Variants in CCZ1B observed in about 807,000 individuals in gnomAD.
CCZ1B encodes vacuolar fusion protein CCZ1 homolog B.
A neutral mutation model predicts 58.8 loss-of-function variants in CCZ1B; 25 were observed. That is an observed-to-expected ratio of 0.43 (90% CI 0.31 to 0.59). The LOEUF (loss-of-function observed/expected upper bound fraction) is 0.59. CCZ1B is among the 20% of genes least tolerant of loss of function. CCZ1B has a pLI of 0.12. For synonymous variants in CCZ1B, 66 were observed against 173.2 expected, an observed-to-expected ratio of 0.38 and a Z score of 4.86; for missense variants, 180 against 501.5, an observed-to-expected ratio of 0.36 and a Z score of 6.12.
At chr7:6,823,968 C>T (rs1783155685) in intron 4 of CCZ1B, 121 bp downstream of exon 4, 11 of 604,812 alleles carry the variant, frequency 1.8e-5, no homozygotes, top group Non-Finnish European at 2.6e-5. Flanking sequence ...TAAACCTTTG[C>T]TATATACCCC....
At position 6,819,753 on chromosome 7, in the gene CCZ1B, G is replaced by A. The variant is rs202113645; in HGVS notation, c.698+13C>T. ...ATTTCTTCTTTTAATACCATGCCTC[G>A]GGGTGTACCTACCAGATGAGCTGAT... On this transcript the variant is annotated intron_variant, in intron 7 of 14. Coordinates refer to ENST00000316731, the MANE Select transcript of CCZ1B (RefSeq NM_198097.5). 91 of 1,422,210 alleles carry A rather than the reference G, an allele frequency of 6.4e-5. 4 individuals are homozygous for A. The highest frequency in any genetic ancestry group is 8.4e-5 in the Admixed American group (4 of 47,408). The allele number at this position is 1,422,210 out of a possible 1,614,324, so 88.1% of individuals were successfully genotyped here.
chr7:6,812,281 G>A, intron 9 of CCZ1B: 1 of 512,682 alleles, frequency 2.0e-6, no homozygotes, highest in East Asian at 3.2e-5. Flanking sequence ...CTGAAGTCAG[G>A]AGTTCAAGGG....
At chr7:6,823,494 C>CTGAAAAAAAGTGTT (rs1783145417) in intron 4 of CCZ1B, 134 bp from the exon 5 acceptor site, 1 of 1,141,812 alleles carries the variant, frequency 8.8e-7, no homozygotes, top group Admixed American at 3.3e-5. Context: ...TAGTTGCGTG[C>CTGAAAAAAAGTGTT]TGAAAAAAAG....
In CCZ1B at chr7:6,812,914, C is replaced by G; in HGVS notation, c.842+62G>C. 4.6e-6 allele frequency: 7 copies of G among 1,523,494 alleles called. No individual in the cohort carries two copies. The South Asian group carries it at 7.3e-5, about 16-fold the overall frequency. 94.4% of individuals were successfully genotyped at this position (1,523,494 alleles called of 1,614,324 possible). A position where few individuals can be genotyped will look rare whatever the true frequency, so the allele number is the denominator to read the frequency against. On this transcript the variant is annotated intron_variant, in intron 9 of 14. Coordinates refer to ENST00000316731, the MANE Select transcript of CCZ1B (RefSeq NM_198097.5). ...TGCTCTCCAGCCTGGGTAACAGAGC[C>G]AGACTCTGAGTCAAAAAAGAAAGAA...
chr7:6,814,305 G>C (rs991082157), intron 8 of CCZ1B, among the ~76,000 whole-genome samples: 5 of 149,018 alleles, frequency 3.4e-5, no homozygotes, highest in African/African-American at 1.3e-4. Flanking sequence ...GGGAGGCCAA[G>C]GTGGGCAGAT....
intron 6 of CCZ1B, among the ~76,000 whole-genome samples, chr7:6,820,915 C>CAAAAA (rs377633614): frequency 2.0e-5 from 2 of 100,220 alleles, no homozygotes; most frequent in Non-Finnish European, 4.3e-5. Context: ...GACTCTGTCT[C>CAAAAA]AAAAAAAAAA....
intron 11 of CCZ1B, 51 bp from the exon 12 acceptor site, chr7:6,805,106 A>T: frequency 8.8e-7 from 1 of 1,141,370 alleles, no homozygotes; most frequent in Non-Finnish European, 1.1e-6. Flanking sequence ...ACTGTGCGAC[A>T]CTGAACAACA....
rs1357059493 is a variant in CCZ1B, at chr7:6,820,323, C to T, written c.523-382G>A. Among the ~76,000 whole-genome samples, 68 of 149,118 alleles carry T rather than the reference C, an allele frequency of 4.6e-4. 3 individuals carry two copies. Among genetic ancestry groups the T allele is most frequent in the Middle Eastern group, 3.4e-3 (1 of 294 alleles). On this transcript the variant is annotated intron_variant, in intron 6 of 14. Transcript: ENST00000316731. ...CCTCCTGAGCAGCTGGGACTACAGG[C>T]GCCTGCCACCATGCCCAGCTATTTT...
At chr7:6,819,995 C>A in intron 6 of CCZ1B, 54 bp from the exon 7 acceptor site, 2 of 1,393,096 alleles carry the variant, frequency 1.4e-6, no homozygotes, top group South Asian at 2.5e-5. Context: ...GAATATAATG[C>A]TCCTTGATAA....
chr7:6,810,161 G>A (rs1782897445), intron 10 of CCZ1B, among the ~76,000 whole-genome samples: 2 of 148,538 alleles, frequency 1.3e-5, no homozygotes, highest in South Asian at 2.1e-4. Flanking sequence ...AGAGGCGTGC[G>A]CCACCTCACC....
intron 6 of CCZ1B, among the ~76,000 whole-genome samples, chr7:6,821,054 G>A (rs1783102003): frequency 6.7e-6 from 1 of 148,244 alleles, no homozygotes; most frequent in African/African-American, 2.6e-5. Flanking sequence ...TGTCACCCAG[G>A]CTGGAGTGCA....
Position 6,823,901 on chromosome 7 carries a change from A to G in CCZ1B, c.390+188T>C, listed in dbSNP as rs1228045046. On this transcript the variant is annotated intron_variant, in intron 4 of 14. Coordinates refer to ENST00000316731, the MANE Select transcript of CCZ1B (RefSeq NM_198097.5). ...ATATAGATGAAGAGTAGAAGGTATT[A>G]GTGAGATTGGGTGCATATACATTTT... 17 of 974,984 alleles carry G rather than the reference A, an allele frequency of 1.7e-5. No homozygotes were observed. In the Middle Eastern group the frequency reaches 1.4e-3, roughly 80 times the overall value. The allele number at this position is 974,984 out of a possible 1,614,324, so 60.4% of individuals were successfully genotyped here. A position where few individuals can be genotyped will look rare whatever the true frequency, so the allele number is the denominator to read the frequency against.
intron 7 of CCZ1B, among the ~76,000 whole-genome samples, chr7:6,817,563 C>G (rs1264425433): frequency 6.7e-6 from 1 of 149,848 alleles, no homozygotes; most frequent in Non-Finnish European, 1.5e-5. Flanking sequence ...GGAGCCATCC[C>G]TCTGCAGACC....
intron 7 of CCZ1B, among the ~76,000 whole-genome samples, chr7:6,816,267 G>A (rs1782997970): frequency 6.7e-6 from 1 of 149,454 alleles, no homozygotes; most frequent in South Asian, 2.1e-4. Context: ...ATCACCTAAG[G>A]TCAGGGATTC....
Position 6,818,651 on chromosome 7 carries a change from CAGAA to C in CCZ1B, c.698+1111_698+1114del, listed in dbSNP as rs142369499. ...AAGAAAGACAAGAAAGAAAGAAAGACAGAAAGAAAGACAGACAGAAAGAAAGAAA... is the reference window on the plus strand; with the variant it reads ...AAGAAAGACAAGAAAGAAAGAAAGACAGAAAGACAGACAGAAAGAAAGAAA... On this transcript the variant is annotated intron_variant, in intron 7 of 14. Coordinates refer to ENST00000316731, the MANE Select transcript of CCZ1B (RefSeq NM_198097.5). Among the ~76,000 whole-genome samples the C allele has an allele frequency of 7.1e-3, 873 of 123,314 alleles. 50 individuals carry two copies. Among genetic ancestry groups the C allele is most frequent in the African/African-American group, 0.024 (741 of 30,884 alleles). 80.9% of individuals were successfully genotyped at this position (123,314 alleles called of 152,430 possible).
rs1433416546 is a variant in CCZ1B at position 6,823,485 on chromosome 7, A to C, written c.391-125T>G. 5.8e-6 allele frequency: 7 copies of C among 1,198,774 alleles called. No homozygotes were observed. The African/African-American group carries it at 1.3e-4, about 21-fold the overall frequency. The allele number at this position is 1,198,774 out of a possible 1,614,324, so 74.3% of individuals were successfully genotyped here. A position where few individuals can be genotyped will look rare whatever the true frequency, so the allele number is the denominator to read the frequency against. On this transcript the variant is annotated intron_variant, in intron 4 of 14. Transcript: ENST00000316731. ...ATGTTTATAAACTTCATCCCACAATAGTTGCGTGCTGAAAAAAAGTGTTTG... is the reference window on the plus strand; with the variant it reads ...ATGTTTATAAACTTCATCCCACAATCGTTGCGTGCTGAAAAAAAGTGTTTG...
chr7:6,816,275 T>C (rs1421960885), intron 7 of CCZ1B, among the ~76,000 whole-genome samples: 1 of 149,346 alleles, frequency 6.7e-6, no homozygotes, highest in Non-Finnish European at 1.5e-5. Flanking sequence ...AGGTCAGGGA[T>C]TCAACACCAG....
chr7:6,820,062 A>G (rs1445395967), intron 6 of CCZ1B, 121 bp from the exon 7 acceptor site: 20 of 1,366,936 alleles, frequency 1.5e-5, no homozygotes, highest in Non-Finnish European at 2.0e-5. Flanking sequence ...ACTAGCAAAC[A>G]GCACAACAAT....
intron 12 of CCZ1B, among the ~76,000 whole-genome samples, chr7:6,803,884 G>C (rs1297024631): frequency 3.3e-4 from 49 of 149,758 alleles, no homozygotes; most frequent in African/African-American, 1.2e-3. Flanking sequence ...GGGAGGCGGA[G>C]GTTGCAGTGA....
Sources: allele counts gnomAD v4.1 joint callset (sites outside exome capture counted in the v4.1 genomes callset), GRCh38; gene constraint gnomAD v4.1.1; transcripts MANE v1.5; gene names NCBI Gene and HGNC (gene_info 2026-07-23, HGNC 2026-07-21).